Variants in IFFO1 observed in about 807,000 individuals in gnomAD.
IFFO1 encodes intermediate filament family orphan 1, also known as non-homologous end joining factor IFFO1.
IFFO1 carries 42 observed loss-of-function variants against 59.6 expected under a neutral mutation model. The observed-to-expected ratio is 0.70, with a 90% CI of 0.55 to 0.91. The LOEUF is 0.91. IFFO1 is among the 40% of genes least tolerant of loss of function. The pLI is 0.00. For synonymous variants in IFFO1, 336 were observed against 342.8 expected, an observed-to-expected ratio of 0.98 and a Z score of 0.22; for missense variants, 711 against 793.2, an observed-to-expected ratio of 0.90 and a Z score of 1.24.
chr12:6,548,029 G>T lies in IFFO1; in HGVS notation c.1479+36C>A. 6.6e-7 allele frequency: 1 copy of T among 1,521,834 alleles called. No individual in the cohort carries two copies. Among genetic ancestry groups the T allele is most frequent in the South Asian group, 1.1e-5 (1 of 89,214 alleles). The allele number at this position is 1,521,834 out of a possible 1,614,324, so 94.3% of individuals were successfully genotyped here. ...CTGCAGCCCCACTCAAAACCCTCTG[G>T]GACACCACGCCCCTGGCTTCCGCTC... On this transcript the variant is annotated intron_variant, in intron 8 of 9. Coordinates refer to ENST00000619571, the MANE Select transcript of IFFO1 (RefSeq NM_001193457.2). The surrounding 1 kb of genome is among the most constrained non-coding windows in gnomAD (Gnocchi z 6.1).
At chr12:6,550,375 G>T (rs866129902) in intron 3 of IFFO1, 2 of 460,356 alleles carry the variant, frequency 4.3e-6, no homozygotes, top group Admixed American at 3.6e-5. Flanking sequence ...ATTTCCCCAC[G>T]CCAAAGGTGA....
At chr12:6,542,189 C>A (rs572507257) in intron 8 of IFFO1, among the ~76,000 whole-genome samples, 1 of 152,340 alleles carries the variant, frequency 6.6e-6, no homozygotes, top group South Asian at 2.1e-4. Flanking sequence ...CTCTCCTTAT[C>A]ACTTTATTTT....
In IFFO1 at chr12:6,555,757, C is replaced by T. The variant is rs1338109666; in HGVS notation, c.273G>A (p.Val91=). The T allele has an allele frequency of 5.6e-6, 9 of 1,613,146 alleles. No individual in the cohort carries two copies. Among genetic ancestry groups the T allele is most frequent in the Non-Finnish European group, 6.8e-6 (8 of 1,179,502 alleles). The change falls in exon 1 of 10, where the codon GTG becomes GTA. Residue 91 remains valine (V), a synonymous_variant. Coordinates refer to ENST00000619571, the MANE Select transcript of IFFO1 (RefSeq NM_001193457.2). This position sits in a 1 kb window ranked among gnomAD's most constrained non-coding sequence, Gnocchi z 8.6. The part of the protein sequence containing the change: ...NLRFRCFLAK[V]HELERRNRLL... ...GCCGGTTCCGGCGCTCCAGCTCATGCACCTTGGCCAGGAAGCAGCGGAACC... is the reference window on the plus strand; with the variant it reads ...GCCGGTTCCGGCGCTCCAGCTCATGTACCTTGGCCAGGAAGCAGCGGAACC...
Position 6,549,626 on chromosome 12 carries a change from C to T in IFFO1, c.1071+130G>A, listed in dbSNP as rs1224069999. ...GCTGCTCCTTACCCCCCAGTCTAGC[C>T]CCGTGAGGGCCCCAGTTGCCAGGTA... On this transcript the variant is annotated intron_variant, in intron 4 of 9. Coordinates refer to ENST00000619571, the MANE Select transcript of IFFO1 (RefSeq NM_001193457.2). The surrounding 1 kb of genome is among the most constrained non-coding windows in gnomAD (Gnocchi z 5.0). 5.7e-6 allele frequency: 8 copies of T among 1,395,156 alleles called. No individual in the cohort carries two copies. Among genetic ancestry groups the T allele is most frequent in the South Asian group, 5.0e-5 (4 of 80,100 alleles). The allele number at this position is 1,395,156 out of a possible 1,614,324, so 86.4% of individuals were successfully genotyped here.
At chr12:6,551,827 G>A (rs1007104496) in intron 1 of IFFO1, 2 of 298,944 alleles carry the variant, frequency 6.7e-6, no homozygotes, top group African/African-American at 4.4e-5. Flanking sequence ...AAGTGGGCCG[G>A]ACGACACCCT....
Position 6,541,568 on chromosome 12 carries a change from G to A in IFFO1, c.1554C>T (p.Arg518=), listed in dbSNP as rs148520585. Residue 518 remains arginine, a synonymous_variant, in exon 9 of 10, where the codon CGC becomes CGT. Coordinates refer to ENST00000619571, the MANE Select transcript of IFFO1 (RefSeq NM_001193457.2). This position sits in a 1 kb window ranked among gnomAD's most constrained non-coding sequence, Gnocchi z 4.8. The part of the protein sequence containing the change: ...HEYMEMCSMK[R]GLDVQMETCR... ...AGGTCTCCATCTGCACGTCCAGGCC[G>A]CGCTTCATGCTGCACATCTCCATGT... is the stretch of plus-strand genomic sequence containing the variant. 80 of 1,614,086 alleles carry A rather than the reference G, an allele frequency of 5.0e-5. No individual in the cohort carries two copies. Among genetic ancestry groups the A allele is most frequent in the African/African-American group, 1.5e-4 (11 of 74,958 alleles).
chr12:6,543,145 C>T lies in IFFO1; in HGVS notation c.1480-1503G>A, dbSNP rs571592034. Among the ~76,000 whole-genome samples the T allele has an allele frequency of 3.3e-4, 50 of 152,266 alleles. No homozygotes were observed. The Middle Eastern group carries it at 0.014, about 41-fold the overall frequency. On this transcript the variant is annotated intron_variant, in intron 8 of 9. Coordinates refer to ENST00000619571, the MANE Select transcript of IFFO1 (RefSeq NM_001193457.2). ...GGGAAGAACTGCCTCCCGCCCACCA[C>T]TCTGGGCCTTGGCTTTACCTTGCTC...
chr12:6,551,066 C>G, intron 1 of IFFO1, 65 bp from the exon 2 acceptor site: 1 of 1,499,554 alleles, frequency 6.7e-7, no homozygotes, highest in East Asian at 2.3e-5. Flanking sequence ...CCATGGCTCC[C>G]TGTCCCCACC....
chr12:6,540,245 G>C lies in IFFO1; in HGVS notation c.*238C>G, dbSNP rs1003867781. The C allele has an allele frequency of 1.6e-5, 9 of 573,702 alleles. No individual in the cohort carries two copies. In the Middle Eastern group the frequency reaches 1.8e-3, roughly 116 times the overall value. 35.5% of individuals were successfully genotyped at this position (573,702 alleles called of 1,614,324 possible). ...AGCAGACACCCACGCGTGAAGGCAG[G>C]AGAGCCCCAACTGTGGTGGAAATGG... is the stretch of plus-strand genomic sequence containing the variant. On this transcript the variant is annotated 3_prime_UTR_variant, in exon 10 of 10. Coordinates refer to ENST00000619571, the MANE Select transcript of IFFO1 (RefSeq NM_001193457.2).
At chr12:6,546,930 G>A (rs1946993557) in intron 8 of IFFO1, among the ~76,000 whole-genome samples, 1 of 152,108 alleles carries the variant, frequency 6.6e-6, no homozygotes, top group Admixed American at 6.5e-5. Context: ...AGGCTGAGTG[G>A]AAGAAACAGG....
At position 6,555,480 on chromosome 12, in the gene IFFO1, T is replaced by TGGTGGA. The variant is rs756975788; in HGVS notation, c.544_549dup (p.Ser182_Thr183dup). 22 of 1,609,342 alleles carry TGGTGGA rather than the reference T, an allele frequency of 1.4e-5. No individual in the cohort carries two copies. Among genetic ancestry groups the TGGTGGA allele is most frequent in the African/African-American group, 9.4e-5 (7 of 74,286 alleles). Reference sequence around the variant, plus strand: ...ATGAAGCGGGCCGACGAGGAATAGGTGGTGGAGGTGGAGGTGGAGGACGAC... The same window carrying TGGTGGA: ...ATGAAGCGGGCCGACGAGGAATAGGTGGTGGAGGTGGAGGTGGAGGTGGAGGACGAC... On this transcript the variant is annotated inframe_insertion, in exon 1 of 10. Coordinates refer to ENST00000619571, the MANE Select transcript of IFFO1 (RefSeq NM_001193457.2). The surrounding 1 kb of genome is among the most constrained non-coding windows in gnomAD (Gnocchi z 8.6).
At chr12:6,542,553 A>G (rs934850026) in intron 8 of IFFO1, among the ~76,000 whole-genome samples, 7 of 152,224 alleles carry the variant, frequency 4.6e-5, no homozygotes, top group African/African-American at 1.7e-4. Flanking sequence ...CATAATGTGG[A>G]TTGGACAGAG....
chr12:6,555,634 G>A lies in IFFO1; in HGVS notation c.396C>T (p.Ser132=). 1 of 1,538,152 alleles carries A rather than the reference G, an allele frequency of 6.5e-7. No homozygotes were observed. The highest frequency in any genetic ancestry group is 8.7e-7 in the Non-Finnish European group (1 of 1,148,020). ...GCTGCAGCCCCAGGGGCCGGATGGG[G>A]CTGACGAAGCCGGTCTGCACTGCCT... The part of the protein sequence containing the change: ...RDQAVQTGFV[S]PIRPLGLQLG... Residue 132 remains serine, a synonymous_variant, in exon 1 of 10, where the codon AGC becomes AGT. Transcript: ENST00000619571. The surrounding 1 kb of genome is among the most constrained non-coding windows in gnomAD (Gnocchi z 8.6).
intron 1 of IFFO1, among the ~76,000 whole-genome samples, chr12:6,554,220 G>C (rs1374819702): frequency 6.6e-6 from 1 of 152,016 alleles, no homozygotes; most frequent in Non-Finnish European, 1.5e-5. Context: ...CTGAATCTCC[G>C]CCACACTGGG....
intron 8 of IFFO1, among the ~76,000 whole-genome samples, chr12:6,542,845 G>A (rs546126442): frequency 6.6e-6 from 1 of 152,316 alleles, no homozygotes; most frequent in East Asian, 1.9e-4. Context: ...CGGAGTGCAG[G>A]GAGCTGGGTT....
At chr12:6,545,702 A>G (rs2136109062) in intron 8 of IFFO1, among the ~76,000 whole-genome samples, 1 of 151,776 alleles carries the variant, frequency 6.6e-6, no homozygotes, top group South Asian at 2.1e-4. Context: ...CGTCTCGGAA[A>G]AAAAAAAAAA....
rs977113342 is a variant in IFFO1 at position 6,550,511 on chromosome 12, A to G, written c.930+184T>C. The G allele has an allele frequency of 1.0e-5, 6 of 591,344 alleles. No homozygotes were observed. The African/African-American group carries it at 1.1e-4, about 11-fold the overall frequency. 36.6% of individuals were successfully genotyped at this position (591,344 alleles called of 1,614,324 possible). On this transcript the variant is annotated intron_variant, in intron 3 of 9. Transcript: ENST00000619571. ...GAAGCTGCGCCACCTCTGTGACGCA[A>G]CACCGAGACTTTTGTTGCTTGTCTT...
chr12:6,553,331 T>TA (rs139603173), intron 1 of IFFO1, among the ~76,000 whole-genome samples: 7,749 of 150,092 alleles, frequency 0.052, 646 homozygotes, highest in African/African-American at 0.18. Context: ...TCCTTCAGTT[T>TA]AAAAAAAAAA....
intron 1 of IFFO1, among the ~76,000 whole-genome samples, chr12:6,554,335 G>A (rs1259858178): frequency 2.0e-5 from 3 of 152,190 alleles, no homozygotes; most frequent in Admixed American, 2.0e-4. Context: ...CCTCCTCAAG[G>A]CTTGGGTTGG....
Sources: allele counts gnomAD v4.1 joint callset (sites outside exome capture counted in the v4.1 genomes callset), GRCh38; gene constraint gnomAD v4.1.1; non-coding constraint Gnocchi (gnomAD v3.1); transcripts MANE v1.5; gene names NCBI Gene and HGNC (gene_info 2026-07-23, HGNC 2026-07-21).